The following DMXL2 variants were observed in gnomAD, a reference collection of about 807,000 sequenced individuals.
DMXL2 encodes the protein Dmx like 2.
Under a neutral mutation model 331.1 loss-of-function variants are expected in DMXL2, and 103 were observed. The observed-to-expected ratio is 0.31, with a 90% CI of 0.27 to 0.37. The LOEUF (loss-of-function observed/expected upper bound fraction) is 0.37, where lower values mean the gene tolerates loss of function less well. Ranked by LOEUF, DMXL2 falls within the 10% of genes least tolerant of loss-of-function variation. The pLI is 1.00. For missense variants in DMXL2, 3,171 were observed against 3,642.9 expected (o/e 0.87, Z 3.33); for synonymous variants, 1,281 against 1,252.1 (o/e 1.02, Z -0.49).
intron 1 of DMXL2, among the ~76,000 whole-genome samples, chr15:51,583,015 T>G (rs909039707): frequency 3.1e-4 from 47 of 151,784 alleles, no homozygotes; most frequent in African/African-American, 1.1e-3. Flanking sequence ...GGGATCATGC[T>G]ATACACAATT....
At chr15:51,601,141 A>G (rs896904514) in intron 1 of DMXL2, among the ~76,000 whole-genome samples, 27 of 151,940 alleles carry the variant, frequency 1.8e-4, no homozygotes, top group African/African-American at 6.3e-4. Context: ...AATACAAAAA[A>G]TTAGCCGGGC....
chr15:51,556,041 A>C (rs1315203392), intron 6 of DMXL2, among the ~76,000 whole-genome samples: 1 of 152,176 alleles, frequency 6.6e-6, no homozygotes, highest in Non-Finnish European at 1.5e-5. Context: ...CATAAATCTT[A>C]AACAAAAGAT....
intron 16 of DMXL2, among the ~76,000 whole-genome samples, chr15:51,506,360 T>C (rs905842389): frequency 2.0e-5 from 3 of 151,618 alleles, no homozygotes; most frequent in Non-Finnish European, 4.4e-5. Flanking sequence ...ACCATGCCCA[T>C]GCCCAGCCTG....
At chr15:51,616,666 A>C (rs1411379286) in intron 1 of DMXL2, among the ~76,000 whole-genome samples, 2 of 152,330 alleles carry the variant, frequency 1.3e-5, no homozygotes, top group African/African-American at 4.8e-5. Context: ...GGCCGGGTGC[A>C]GTGGCTCATG....
intron 11 of DMXL2, 77 bp from the exon 12 acceptor site, chr15:51,536,939 C>T: frequency 8.2e-7 from 1 of 1,215,974 alleles, no homozygotes; most frequent in African/African-American, 1.5e-5. Context: ...CTCAAAATAC[C>T]AAATCTCAGC....
intron 1 of DMXL2, among the ~76,000 whole-genome samples, chr15:51,606,975 T>C (rs1157546096): frequency 6.6e-6 from 1 of 151,052 alleles, no homozygotes; most frequent in African/African-American, 2.4e-5. Context: ...CTAGCCAACA[T>C]GGCGAAACCC....
At chr15:51,502,669 T>C (rs935884658) in intron 17 of DMXL2, 137 bp downstream of exon 17, 25 of 658,702 alleles carry the variant, frequency 3.8e-5, no homozygotes, top group Middle Eastern at 3.4e-4. Flanking sequence ...TCTAGACATA[T>C]CATTAATAGA....
chr15:51,534,423 A>T (rs1234347594), intron 13 of DMXL2, among the ~76,000 whole-genome samples: 1 of 152,210 alleles, frequency 6.6e-6, no homozygotes, highest in Non-Finnish European at 1.5e-5. Context: ...TCTAAGTAGA[A>T]CTAGCACTAG....
Position 51,572,502 on chromosome 15 carries a change from A to C in DMXL2, c.213+3554T>G, listed in dbSNP as rs115609634. On this transcript the variant is annotated intron_variant, in intron 2 of 43. Transcript: ENST00000560891. ...AACCAAAAAAGAAAATTTTACACCA[A>C]TATGGCTGATGAACATCAATGCAAA... Among the ~76,000 whole-genome samples the C allele has an allele frequency of 6.9e-3, 1,050 of 152,316 alleles. 18 individuals are homozygous for C. The highest frequency in any genetic ancestry group is 0.024 in the African/African-American group (1,014 of 41,568).
At chr15:51,534,126 G>C (rs1282044138) in intron 13 of DMXL2, among the ~76,000 whole-genome samples, 2 of 152,274 alleles carry the variant, frequency 1.3e-5, no homozygotes, top group East Asian at 1.9e-4. Flanking sequence ...GTCAGCTCAT[G>C]ATGAGTCAAT....
At chr15:51,515,134 A>G (rs2046963750) in intron 14 of DMXL2, among the ~76,000 whole-genome samples, 1 of 152,176 alleles carries the variant, frequency 6.6e-6, no homozygotes, top group African/African-American at 2.4e-5. Context: ...CACATAAGTA[A>G]CTAGAACCCC....
intron 6 of DMXL2, among the ~76,000 whole-genome samples, chr15:51,561,936 A>G (rs2049996661): frequency 6.6e-6 from 1 of 152,236 alleles, no homozygotes; most frequent in South Asian, 2.1e-4. Flanking sequence ...AAGCACACAA[A>G]GAAAAAGTAC....
At chr15:51,540,200 T>C (rs2048511243) in intron 9 of DMXL2, among the ~76,000 whole-genome samples, 1 of 152,222 alleles carries the variant, frequency 6.6e-6, no homozygotes, top group Non-Finnish European at 1.5e-5. Flanking sequence ...CTAACAGATT[T>C]TTTTTTGACA....
chr15:51,614,725 G>A (rs1409616588), intron 1 of DMXL2, among the ~76,000 whole-genome samples: 24 of 152,026 alleles, frequency 1.6e-4, no homozygotes, highest in Non-Finnish European at 4.4e-5. Context: ...ACCACCTTCT[G>A]TTTTAGGTGC....
At chr15:51,558,254 T>C (rs1334910050) in intron 6 of DMXL2, among the ~76,000 whole-genome samples, 2 of 152,188 alleles carry the variant, frequency 1.3e-5, no homozygotes, top group Admixed American at 6.5e-5. Context: ...GGTTATTAAG[T>C]GCCTTCACTT....
At chr15:51,607,209 C>A (rs1045476348) in intron 1 of DMXL2, among the ~76,000 whole-genome samples, 1 of 151,874 alleles carries the variant, frequency 6.6e-6, no homozygotes, top group Non-Finnish European at 1.5e-5. Context: ...GTAATCCCAG[C>A]ACTTTGGGAG....
In DMXL2 at chr15:51,502,911, T is replaced by G. The variant is rs200404889; in HGVS notation, c.2887A>C (p.Asn963His). The stretch of plus-strand genomic sequence containing the variant: ...ATAAGTTTACTGGCAGTTTGAAGAT[T>G]GGCAATTGATGAAGAATGTGGCATG... The part of the protein sequence containing the change: ...SPMPHSSSIA[N>H]LQTASKLILS... Residue 963 changes from asparagine (N) to histidine (H), a missense_variant, in exon 17 of 44, where the codon AAT becomes CAT. Transcript: ENST00000560891. 6.8e-6 allele frequency: 11 copies of G among 1,614,128 alleles called. No individual in the cohort carries two copies. Among genetic ancestry groups the G allele is most frequent in the Non-Finnish European group, 8.5e-6 (10 of 1,180,002 alleles).
chr15:51,451,801 ATC>A (rs2039167588), intron 41 of DMXL2, 104 bp from the exon 42 acceptor site: 1 of 999,074 alleles, frequency 1.0e-6, no homozygotes, highest in Admixed American at 2.0e-5. Flanking sequence ...ATTCATTCTT[ATC>A]TTTTTTGTTC....
chr15:51,536,332 A>G lies in DMXL2; in HGVS notation c.2148T>C (p.His716=). Reference sequence around the variant, plus strand: ...GTTCACTGTAGATTGCATTTGGGTCATGAAATGTACGAGTTGCTGCATTTC... The same window carrying G: ...GTTCACTGTAGATTGCATTTGGGTCGTGAAATGTACGAGTTGCTGCATTTC... ...PLRNAATRTF[H]DPNAIYSELI... is the part of the protein sequence containing the mutation. The change falls in exon 12 of 44, where the codon CAT becomes CAC. Residue 716 remains histidine (H), a synonymous_variant. Coordinates refer to ENST00000560891, the MANE Select transcript of DMXL2 (RefSeq NM_001378457.1). 2.5e-6 allele frequency: 4 copies of G among 1,614,088 alleles called. No individual in the cohort carries two copies. The highest frequency in any genetic ancestry group is 3.4e-6 in the Non-Finnish European group (4 of 1,179,966).
Sources: gnomAD v4.1 joint callset for allele counts (sites outside exome capture counted in the v4.1 genomes callset) on GRCh38, gnomAD v4.1.1 for gene constraint, MANE v1.5 for transcripts, NCBI Gene and HGNC (gene_info 2026-07-23, HGNC 2026-07-21) for gene names.